Variants in HFM1 observed in about 807,000 individuals in gnomAD.
The protein encoded by HFM1 is probable ATP-dependent DNA helicase HFM1.
Under a neutral mutation model 192.1 loss-of-function variants are expected in HFM1, and 169 were observed. The observed-to-expected ratio is 0.88, with a 90% CI of 0.78 to 1.00. The LOEUF is 1.00. Among genes scored for constraint, HFM1 ranks in the 50% least tolerant of loss-of-function variants. The pLI, the probability that HFM1 is intolerant of heterozygous loss-of-function variation, is 0.00. For synonymous variants in HFM1, 525 were observed against 537.8 expected (o/e 0.98, Z 0.33); for missense variants, 1,661 against 1,668.0 (o/e 1.00, Z 0.07).
rs568228835 is a variant in HFM1, at chr1:91,289,956, A to C, written c.3392-12894T>G. ...TTCATATCCAGCCAAACTAAGCTTC[A>C]TAAGTGAAGGAGAAATAAAATCCTT... On this transcript the variant is annotated intron_variant, in intron 30 of 38. Transcript: ENST00000370425. Among the ~76,000 whole-genome samples, 51 of 152,310 alleles carry C rather than the reference A, an allele frequency of 3.3e-4. 1 individual carries two copies. In the South Asian group the frequency reaches 0.01, roughly 31 times the overall value.
At chr1:91,328,691 G>C (rs281973) in intron 20 of HFM1, 2 of 1,599,672 alleles carry the variant, frequency 1.3e-6, no homozygotes, top group South Asian at 2.2e-5. Context: ...AGTGAACTGC[G>C]GGGCTGAGGC....
chr1:91,299,880 G>T (rs895181577), intron 30 of HFM1, among the ~76,000 whole-genome samples: 1 of 152,080 alleles, frequency 6.6e-6, no homozygotes, highest in African/African-American at 2.4e-5. Context: ...AAGAACTAGA[G>T]AAGTAAGAGC....
intron 32 of HFM1, 41 bp downstream of exon 32, chr1:91,276,587 T>G (rs1666839536): frequency 7.3e-6 from 7 of 956,586 alleles, no homozygotes; most frequent in Non-Finnish European, 9.6e-6. Flanking sequence ...TTTATATACG[T>G]TTAACTACAG....
chr1:91,394,439 C>A lies in HFM1; in HGVS notation c.185-37G>T. ...GAATATCTTAATTATTACATGTTCT[C>A]CATTAAAGGAAATTTTCAAAATGAT... On this transcript the variant is annotated intron_variant, in intron 3 of 38. Transcript: ENST00000370425. 6.0e-6 allele frequency: 7 copies of A among 1,163,784 alleles called. No individual in the cohort carries two copies. The South Asian group carries it at 6.3e-5, about 10-fold the overall frequency. 72.1% of individuals were successfully genotyped at this position (1,163,784 alleles called of 1,614,324 possible).
At chr1:91,318,727 T>C (rs1651623798) in intron 25 of HFM1, among the ~76,000 whole-genome samples, 1 of 152,206 alleles carries the variant, frequency 6.6e-6, no homozygotes, top group African/African-American at 2.4e-5. Flanking sequence ...CTCCACCTTG[T>C]AATTGAGATC....
chr1:91,394,300 G>C lies in HFM1; in HGVS notation c.287C>G (p.Ser96Cys), dbSNP rs757969232. 1.3e-6 allele frequency: 2 copies of C among 1,590,588 alleles called. No individual in the cohort carries two copies. Among genetic ancestry groups the C allele is most frequent in the Non-Finnish European group, 1.7e-6 (2 of 1,158,940 alleles). ...TAGATCATCCTGTTCATATTTATCA[G>C]AAGGAAAGGCAAACTGGAATTTTTG... ...LTQKFQFAFPSDKYEQDDLNL... is the reference protein window; with the variant it reads ...LTQKFQFAFPCDKYEQDDLNL... The change falls in exon 4 of 39, where the codon TCT becomes TGT. Residue 96 changes from serine to cysteine, a missense_variant. Coordinates refer to ENST00000370425, the MANE Select transcript of HFM1 (RefSeq NM_001017975.6).
chr1:91,398,262 A>C (rs1571243252), intron 2 of HFM1, among the ~76,000 whole-genome samples: 1 of 152,160 alleles, frequency 6.6e-6, no homozygotes. Context: ...ATAATTTCCC[A>C]ATTTTTTTCC....
At chr1:91,339,087 A>C in intron 20 of HFM1, 1 of 450,564 alleles carries the variant, frequency 2.2e-6, no homozygotes, top group Middle Eastern at 5.9e-4. Flanking sequence ...TCTCAATGAC[A>C]TCAAGGAATA....
Position 91,396,357 on chromosome 1 carries a change from T to C in HFM1, c.120A>G (p.Pro40=), listed in dbSNP as rs1467635746. ...KSLDWFLPPA[P]LISEIPDTQE... is the part of the protein sequence containing the mutation. Reference sequence around the variant, plus strand: ...GAGTATCTGGAATTTCTGAAATCAATGGAGCAGGAGGGAGAAACCAATCCA... The same window carrying C: ...GAGTATCTGGAATTTCTGAAATCAACGGAGCAGGAGGGAGAAACCAATCCA... Residue 40 remains proline (P), a synonymous_variant, in exon 3 of 39, where the codon CCA becomes CCG. Coordinates refer to ENST00000370425, the MANE Select transcript of HFM1 (RefSeq NM_001017975.6). 6.2e-7 allele frequency: 1 copy of C among 1,606,132 alleles called. No homozygotes were observed. Among genetic ancestry groups the C allele is most frequent in the Non-Finnish European group, 8.5e-7 (1 of 1,175,456 alleles).
intron 18 of HFM1, among the ~76,000 whole-genome samples, chr1:91,350,457 T>A (rs181110222): frequency 2.6e-5 from 4 of 152,318 alleles, no homozygotes; most frequent in Non-Finnish European, 1.5e-5. Context: ...TTATTTTCAA[T>A]GATTTAGACA....
chr1:91,316,572 AT>A, intron 25 of HFM1, 96 bp from the exon 26 acceptor site: 12 of 465,102 alleles, frequency 2.6e-5, no homozygotes, highest in Non-Finnish European at 3.9e-5. Flanking sequence ...AAAAAAAAAA[AT>A]TTTAAGATCC....
rs1202995133 is a variant in HFM1, at chr1:91,343,319, G to A, written c.2335+111C>T. Reference sequence around the variant, plus strand: ...GCTAATAATGATGATACCCTGTTGAGAACTGAGATCACAATTTAGTTTTAT... The same window carrying A: ...GCTAATAATGATGATACCCTGTTGAAAACTGAGATCACAATTTAGTTTTAT... On this transcript the variant is annotated intron_variant, in intron 20 of 38. Coordinates refer to ENST00000370425, the MANE Select transcript of HFM1 (RefSeq NM_001017975.6). 10 of 502,616 alleles carry A rather than the reference G, an allele frequency of 2.0e-5. No individual in the cohort carries two copies. In the East Asian group the frequency reaches 4.1e-4, roughly 20 times the overall value. 31.1% of individuals were successfully genotyped at this position (502,616 alleles called of 1,614,324 possible). A position where few individuals can be genotyped will look rare whatever the true frequency, so the allele number is the denominator to read the frequency against.
At chr1:91,279,278 G>C (rs1408225201) in intron 30 of HFM1, among the ~76,000 whole-genome samples, 1 of 152,142 alleles carries the variant, frequency 6.6e-6, no homozygotes, top group African/African-American at 2.4e-5. Context: ...TCAGACCCAA[G>C]TGTGTTCCTA....
intron 23 of HFM1, among the ~76,000 whole-genome samples, chr1:91,322,720 G>A (rs186571842): frequency 6.6e-6 from 1 of 152,270 alleles, no homozygotes; most frequent in East Asian, 1.9e-4. Flanking sequence ...TAAGAAGCAT[G>A]TCTTCATTCA....
intron 30 of HFM1, among the ~76,000 whole-genome samples, chr1:91,286,142 T>C (rs1223318537): frequency 6.6e-6 from 1 of 152,228 alleles, no homozygotes; most frequent in Non-Finnish European, 1.5e-5. Flanking sequence ...AACAGAGAAA[T>C]ATCAGCACCC....
chr1:91,404,980 G>T, upstream of HFM1: 2 of 393,238 alleles, frequency 5.1e-6, no homozygotes, highest in Non-Finnish European at 1.0e-5. Context: ...AGTTTACTGT[G>T]TCTATTCTCT....
chr1:91,297,205 G>C (rs1428875988), intron 30 of HFM1, among the ~76,000 whole-genome samples: 1 of 152,224 alleles, frequency 6.6e-6, no homozygotes, highest in Non-Finnish European at 1.5e-5. Context: ...TAGCACAGCA[G>C]TCTGAGATCA....
chr1:91,376,159 T>C (rs1660886631), intron 11 of HFM1, among the ~76,000 whole-genome samples: 1 of 152,004 alleles, frequency 6.6e-6, no homozygotes. Context: ...TGGTTTAGGT[T>C]GGCAAGGGTT....
rs778228150 is a variant in HFM1, at chr1:91,319,064, T to A, written c.2812+14A>T. 6.4e-7 allele frequency: 1 copy of A among 1,571,076 alleles called. No individual in the cohort carries two copies. On this transcript the variant is annotated intron_variant, in intron 25 of 38. Transcript: ENST00000370425. ...CAGACATGGCCAAACTGCCTGCCTGTATTCAGTACCTACCAATTTTTTCCA... is the reference window on the plus strand; with the variant it reads ...CAGACATGGCCAAACTGCCTGCCTGAATTCAGTACCTACCAATTTTTTCCA...
Sources: allele counts gnomAD v4.1 joint callset (sites outside exome capture counted in the v4.1 genomes callset), GRCh38; gene constraint gnomAD v4.1.1; transcripts MANE v1.5; gene names NCBI Gene and HGNC (gene_info 2026-07-23, HGNC 2026-07-21).